Variants in RAI14 observed in about 807,000 individuals in gnomAD.
RAI14 encodes the protein retinoic acid induced 14.
RAI14 carries 45 observed loss-of-function variants against 115.4 expected under a neutral mutation model. The observed-to-expected ratio is 0.39, with a 90% CI of 0.31 to 0.50. RAI14 has a LOEUF of 0.50. RAI14 is among the 20% of genes least tolerant of loss of function. The probability of loss-of-function intolerance (pLI) is 0.85; values close to 1 mark genes in which losing one functional copy is unlikely to be tolerated. For missense variants in RAI14, 939 were observed against 1,131.2 expected (o/e 0.83, Z 2.44); for synonymous variants, 371 against 415.4 (o/e 0.89, Z 1.30).
intron 2 of RAI14, among the ~76,000 whole-genome samples, chr5:34,750,257 G>A (rs1433044817): frequency 2.0e-5 from 3 of 151,960 alleles, no homozygotes; most frequent in Admixed American, 6.6e-5. Flanking sequence ...CAATAGCACC[G>A]AACTCTGAAG....
At chr5:34,771,594 A>G (rs1479496455) in intron 3 of RAI14, among the ~76,000 whole-genome samples, 2 of 152,206 alleles carry the variant, frequency 1.3e-5, no homozygotes, top group Admixed American at 1.3e-4. Context: ...TTGAATAGCA[A>G]CAGTTCAAGC....
At chr5:34,690,375 C>T (rs938939186) in intron 2 of RAI14, among the ~76,000 whole-genome samples, 17 of 152,138 alleles carry the variant, frequency 1.1e-4, no homozygotes, top group Admixed American at 3.9e-4. Context: ...ATCAGGTTCT[C>T]GCGCTTGCAT....
chr5:34,799,789 G>A (rs1280798453), intron 4 of RAI14, among the ~76,000 whole-genome samples: 5 of 144,476 alleles, frequency 3.5e-5, no homozygotes, highest in Admixed American at 7.3e-5. Flanking sequence ...CCGGGTTCAC[G>A]CCATTCTGCT....
intron 2 of RAI14, among the ~76,000 whole-genome samples, chr5:34,730,613 T>G (rs545084411): frequency 5.3e-4 from 80 of 151,996 alleles, no homozygotes; most frequent in African/African-American, 1.9e-3. Flanking sequence ...GAGGCAGAGG[T>G]TGCAATGAGC....
intron 14 of RAI14, 27 bp downstream of exon 14, chr5:34,821,877 C>A: frequency 7.8e-7 from 1 of 1,288,646 alleles, no homozygotes. Flanking sequence ...CTATCATGGA[C>A]TATTCTGTAG....
chr5:34,830,998 C>T lies in RAI14; in HGVS notation c.*233C>T. On this transcript the variant is annotated 3_prime_UTR_variant, in exon 18 of 18. Transcript: ENST00000265109. The stretch of plus-strand genomic sequence containing the variant: ...AAGTCCCTGTCATCCCTTCAGATTC[C>T]AGAGCTGGGATCAGCCATGCCCAGA... The T allele has an allele frequency of 6.9e-6, 5 of 723,376 alleles. No homozygotes were observed. Among genetic ancestry groups the T allele is most frequent in the Non-Finnish European group, 1.0e-5 (5 of 494,672 alleles). 44.8% of individuals were successfully genotyped at this position (723,376 alleles called of 1,614,324 possible).
chr5:34,821,431 A>G (rs1756818070), intron 13 of RAI14, among the ~76,000 whole-genome samples: 1 of 152,210 alleles, frequency 6.6e-6, no homozygotes, highest in Non-Finnish European at 1.5e-5. Context: ...GGGAAGAACC[A>G]AAAACAACCA....
chr5:34,783,204 A>G (rs1216140671), intron 3 of RAI14, among the ~76,000 whole-genome samples: 6 of 152,150 alleles, frequency 3.9e-5, no homozygotes, highest in Admixed American at 2.6e-4. Flanking sequence ...ACTCATTGTG[A>G]CTGGTTGTCC....
intron 1 of RAI14, among the ~76,000 whole-genome samples, chr5:34,673,228 G>C (rs904059500): frequency 1.3e-5 from 2 of 152,176 alleles, no homozygotes; most frequent in Admixed American, 1.3e-4. Flanking sequence ...ACTCACACTT[G>C]AATTGCCAGC....
At chr5:34,731,012 A>T (rs1240599312) in intron 2 of RAI14, among the ~76,000 whole-genome samples, 1 of 152,194 alleles carries the variant, frequency 6.6e-6, no homozygotes, top group Non-Finnish European at 1.5e-5. Context: ...AACAAAAGCA[A>T]AAACAAGAAA....
intron 3 of RAI14, among the ~76,000 whole-genome samples, chr5:34,789,678 T>A (rs1752702583): frequency 6.6e-6 from 1 of 152,208 alleles, no homozygotes; most frequent in African/African-American, 2.4e-5. Context: ...AACAATCCCT[T>A]TTATCAAGCA....
chr5:34,813,359 G>A (rs1189920408), intron 10 of RAI14, among the ~76,000 whole-genome samples: 1 of 152,144 alleles, frequency 6.6e-6, no homozygotes, highest in Non-Finnish European at 1.5e-5. Flanking sequence ...TGTCTCATGT[G>A]TTTTTATTTT....
intron 4 of RAI14, among the ~76,000 whole-genome samples, chr5:34,802,187 C>T (rs758306287): frequency 6.6e-6 from 1 of 152,160 alleles, no homozygotes; most frequent in Non-Finnish European, 1.5e-5. Flanking sequence ...TAGAGGCCAG[C>T]GATGCTGCCT....
intron 1 of RAI14, among the ~76,000 whole-genome samples, chr5:34,670,043 C>T (rs1743509521): frequency 6.6e-6 from 1 of 152,208 alleles, no homozygotes; most frequent in South Asian, 2.1e-4. Flanking sequence ...AAAGATGCTA[C>T]TCCATTCCAG....
In RAI14 at chr5:34,827,180, A is replaced by G. The variant is rs1055576938; in HGVS notation, c.2799+701A>G. Among the ~76,000 whole-genome samples, 1 of 152,104 alleles carries G rather than the reference A, an allele frequency of 6.6e-6. No individual in the cohort carries two copies. Among genetic ancestry groups the G allele is most frequent in the African/African-American group, 2.4e-5 (1 of 41,414 alleles). ...CATCTTCGAGGCACATCACTCCAGC[A>G]TCTGCTCAGTCTTCCCATCTCCTCC... On this transcript the variant is annotated intron_variant, in intron 16 of 17. Coordinates refer to ENST00000265109, the MANE Select transcript of RAI14 (RefSeq NM_015577.3). The surrounding 1 kb of genome is among the most constrained non-coding windows in gnomAD (Gnocchi z 4.2).
intron 1 of RAI14, among the ~76,000 whole-genome samples, chr5:34,682,805 C>T (rs1744485498): frequency 6.6e-6 from 1 of 152,218 alleles, no homozygotes; most frequent in African/African-American, 2.4e-5. Context: ...CTTTTTGGTA[C>T]ATACTCGAAT....
chr5:34,811,832 G>T lies in RAI14; in HGVS notation c.623G>T (p.Gly208Val), dbSNP rs774002870. The change falls in exon 9 of 18, where the codon GGT becomes GTT. Residue 208 changes from glycine to valine, a missense_variant. By Grantham distance (109) the Gly-to-Val change is moderately radical. Coordinates refer to ENST00000265109, the MANE Select transcript of RAI14 (RefSeq NM_015577.3). ...GCTGTGGAAGCCTTAATTAAAAAGG[G>T]TGCAGACCTAAACCTTGTAGATTCT... Reference protein sequence around the residue: ...SNAVEALIKKGADLNLVDSLG... With the variant: ...SNAVEALIKKVADLNLVDSLG... 7.4e-6 allele frequency: 12 copies of T among 1,613,270 alleles called. No homozygotes were observed. Among genetic ancestry groups the T allele is most frequent in the Non-Finnish European group, 9.3e-6 (11 of 1,179,532 alleles).
chr5:34,761,554 T>A (rs1438260706), intron 3 of RAI14, among the ~76,000 whole-genome samples: 1 of 152,172 alleles, frequency 6.6e-6, no homozygotes, highest in Non-Finnish European at 1.5e-5. Context: ...AGGCTTGATT[T>A]TGGCCTTCAA....
Position 34,727,562 on chromosome 5 carries a change from C to T in RAI14, c.37-29906C>T, listed in dbSNP as rs147131182. ...AGGAGAATAAAATGGTTTCCTGGGCCAGGCCTGGGGCCCCCTTGCTGTGTG... is the reference window on the plus strand; with the variant it reads ...AGGAGAATAAAATGGTTTCCTGGGCTAGGCCTGGGGCCCCCTTGCTGTGTG... On this transcript the variant is annotated intron_variant, in intron 2 of 17. Coordinates refer to ENST00000265109, the MANE Select transcript of RAI14 (RefSeq NM_015577.3). Among the ~76,000 whole-genome samples the T allele has an allele frequency of 4.4e-4, 67 of 152,254 alleles. 1 individual carries two copies. The highest frequency in any genetic ancestry group is 1.4e-3 in the African/African-American group (60 of 41,550).
Sources: allele counts gnomAD v4.1 joint callset (sites outside exome capture counted in the v4.1 genomes callset), GRCh38; gene constraint gnomAD v4.1.1; non-coding constraint Gnocchi (gnomAD v3.1); transcripts MANE v1.5; gene names NCBI Gene and HGNC (gene_info 2026-07-23, HGNC 2026-07-21).